Variants in ERBB4 observed in about 807,000 individuals in gnomAD.
ERBB4 encodes erb-b2 receptor tyrosine kinase 4.
ERBB4 carries 42 observed loss-of-function variants against 158.0 expected under a neutral mutation model. That is an observed-to-expected ratio of 0.27 (90% CI 0.21 to 0.34). The LOEUF (loss-of-function observed/expected upper bound fraction) is 0.34, where lower values mean the gene tolerates loss of function less well. Among genes scored for constraint, ERBB4 ranks in the 10% least tolerant of loss-of-function variants. The probability of loss-of-function intolerance (pLI) is 1.00; values close to 1 mark genes in which losing one functional copy is unlikely to be tolerated. For missense variants in ERBB4, 1,333 were observed against 1,624.1 expected (o/e 0.82, Z 3.08); for synonymous variants, 583 against 558.7 (o/e 1.04, Z -0.61).
At chr2:211,560,277 T>TTTTTTTTTTTTTTTA (rs2067353480) in intron 20 of ERBB4, among the ~76,000 whole-genome samples, 1 of 132,972 alleles carries the variant, frequency 7.5e-6, no homozygotes, top group Non-Finnish European at 1.6e-5. Flanking sequence ...TTTTTTTTTT[T>TTTTTTTTTTTTTTTA]TTTTTTTTTT....
At chr2:211,705,009 T>C (rs1379088162) in intron 10 of ERBB4, among the ~76,000 whole-genome samples, 1 of 152,154 alleles carries the variant, frequency 6.6e-6, no homozygotes, top group Non-Finnish European at 1.5e-5. Context: ...CAGGCTGGAG[T>C]GCAGCAGCGT....
intron 4 of ERBB4, among the ~76,000 whole-genome samples, chr2:211,775,680 T>G (rs928222372): frequency 6.6e-6 from 1 of 152,188 alleles, no homozygotes; most frequent in Non-Finnish European, 1.5e-5. Flanking sequence ...TAGTGATATC[T>G]AGAGTAATAC....
At chr2:212,391,570 A>G (rs2090855550) in intron 1 of ERBB4, among the ~76,000 whole-genome samples, 1 of 148,852 alleles carries the variant, frequency 6.7e-6, no homozygotes, top group Non-Finnish European at 1.5e-5. Flanking sequence ...TGTCTATAAA[A>G]TTATGGATTC....
In ERBB4 at chr2:212,416,139, G is replaced by T. The variant is rs192951816; in HGVS notation, c.82+122310C>A. Among the ~76,000 whole-genome samples the T allele has an allele frequency of 6.6e-4, 100 of 152,260 alleles. No individual in the cohort carries two copies. The Middle Eastern group carries it at 0.02, about 31-fold the overall frequency. On this transcript the variant is annotated intron_variant, in intron 1 of 27. Coordinates refer to ENST00000342788, the MANE Select transcript of ERBB4 (RefSeq NM_005235.3). ...ATTGCTAGTGTGATTGAAGAGACAT[G>T]AGAGGTAGTTACTAAAGCATCTTTC... is the stretch of plus-strand genomic sequence containing the variant.
At chr2:212,512,283 C>G (rs758658399) in intron 1 of ERBB4, among the ~76,000 whole-genome samples, 7 of 151,598 alleles carry the variant, frequency 4.6e-5, no homozygotes, top group Non-Finnish European at 7.4e-5. Context: ...TATATAAGTA[C>G]TTAACCTCTC....
At chr2:211,953,873 TA>T (rs35281013) in intron 2 of ERBB4, among the ~76,000 whole-genome samples, 61,257 of 151,742 alleles carry the variant, frequency 0.4, 14,230 homozygotes, top group African/African-American at 0.64. Flanking sequence ...CATGATTTTT[TA>T]AAAATGACAA....
chr2:212,110,689 T>TA (rs1052380099), intron 2 of ERBB4, among the ~76,000 whole-genome samples: 2 of 152,170 alleles, frequency 1.3e-5, no homozygotes, highest in African/African-American at 4.8e-5. Context: ...GCTCCTGCAA[T>TA]AAAAAAGCTC....
intron 2 of ERBB4, among the ~76,000 whole-genome samples, chr2:211,995,308 A>G (rs574638400): frequency 6.6e-6 from 1 of 152,344 alleles, no homozygotes; most frequent in East Asian, 1.9e-4. Context: ...AATACATTTA[A>G]TATTTTAGTT....
At chr2:211,754,341 C>T (rs191395519) in intron 4 of ERBB4, among the ~76,000 whole-genome samples, 1 of 151,890 alleles carries the variant, frequency 6.6e-6, no homozygotes, top group Non-Finnish European at 1.5e-5. Context: ...CAATGCTGTC[C>T]AAATCTTCCC....
At chr2:211,821,925 G>T (rs1255055309) in intron 3 of ERBB4, among the ~76,000 whole-genome samples, 1 of 151,880 alleles carries the variant, frequency 6.6e-6, no homozygotes, top group Non-Finnish European at 1.5e-5. Context: ...TAGGAAAAAT[G>T]CTTCAAGACA....
intron 1 of ERBB4, among the ~76,000 whole-genome samples, chr2:212,327,846 A>G (rs1177870244): frequency 9.9e-6 from 1 of 101,438 alleles, no homozygotes; most frequent in African/African-American, 3.5e-5. Flanking sequence ...TTTATATGTA[A>G]AGTATTCCTC....
At chr2:211,696,656 ATTATTT>A (rs1310071120) in intron 12 of ERBB4, among the ~76,000 whole-genome samples, 1 of 123,840 alleles carries the variant, frequency 8.1e-6, no homozygotes, top group Non-Finnish European at 1.7e-5. Context: ...TCACATTTTC[ATTATTT>A]TTATTTTTAT....
chr2:212,257,439 C>A (rs2084780658), intron 1 of ERBB4, among the ~76,000 whole-genome samples: 1 of 152,040 alleles, frequency 6.6e-6, no homozygotes, highest in African/African-American at 2.4e-5. Context: ...CAAACTAACT[C>A]TTTTGTTATC....
chr2:211,601,149 A>G (rs557133915), intron 19 of ERBB4, among the ~76,000 whole-genome samples: 2 of 152,290 alleles, frequency 1.3e-5, no homozygotes, highest in African/African-American at 4.8e-5. Flanking sequence ...TTAAAGAAAA[A>G]TGATGACAAG....
chr2:211,382,687 A>T lies in ERBB4; in HGVS notation c.*928T>A, dbSNP rs570131138. 1 of 232,704 alleles carries T rather than the reference A, an allele frequency of 4.3e-6. No homozygotes were observed. The highest frequency in any genetic ancestry group is 8.5e-6 in the Non-Finnish European group (1 of 117,736). 14.4% of individuals were successfully genotyped at this position (232,704 alleles called of 1,614,324 possible). On this transcript the variant is annotated 3_prime_UTR_variant, in exon 28 of 28. Transcript: ENST00000342788. ...TCTTAGTTTCCCTTCTACTCTTCAG[A>T]CAACCAACGGCCTATCAAGTAGTGT...
At chr2:211,707,538 A>G (rs754474550) in intron 9 of ERBB4, among the ~76,000 whole-genome samples, 4 of 152,144 alleles carry the variant, frequency 2.6e-5, no homozygotes, top group Non-Finnish European at 4.4e-5. Context: ...GTCTAGCACC[A>G]TTGCAGGCTA....
chr2:212,189,618 C>A (rs2082128524), intron 1 of ERBB4, among the ~76,000 whole-genome samples: 1 of 152,066 alleles, frequency 6.6e-6, no homozygotes, highest in African/African-American at 2.4e-5. Flanking sequence ...AGTTTCATGC[C>A]AATAAGGGCC....
intron 20 of ERBB4, among the ~76,000 whole-genome samples, chr2:211,483,865 A>G (rs1260847704): frequency 6.6e-6 from 1 of 152,060 alleles, no homozygotes; most frequent in African/African-American, 2.4e-5. Context: ...ATGACAACAC[A>G]TTTCTTGTTG....
At chr2:211,913,644 T>G (rs1247638881) in intron 3 of ERBB4, among the ~76,000 whole-genome samples, 1 of 139,408 alleles carries the variant, frequency 7.2e-6, no homozygotes, top group Non-Finnish European at 1.6e-5. Context: ...TGTGTGTGTG[T>G]GTGTGTGTGT....
Sources: gnomAD v4.1 joint callset for allele counts (sites outside exome capture counted in the v4.1 genomes callset) on GRCh38, gnomAD v4.1.1 for gene constraint, MANE v1.5 for transcripts, NCBI Gene and HGNC (gene_info 2026-07-23, HGNC 2026-07-21) for gene names.